CTNND2: variants seen among roughly 807,000 people sequenced by gnomAD.
The protein encoded by CTNND2 is catenin delta 2, also known as catenin delta-2.
In CTNND2, 22 loss-of-function variants were observed where a neutral mutation model predicts 144.4. The ratio of observed to expected loss-of-function variants is 0.15; its 90% confidence interval spans 0.11 to 0.22. CTNND2 has a LOEUF of 0.22. Ranked by LOEUF, CTNND2 falls within the 10% of genes least tolerant of loss-of-function variation. The pLI is 1.00. For synonymous variants in CTNND2, 751 were observed against 695.6 expected (o/e 1.08, Z -1.25); for missense variants, 1,353 against 1,618.8 (o/e 0.84, Z 2.82).
At chr5:11,643,019 T>C (rs1481191341) in intron 2 of CTNND2, among the ~76,000 whole-genome samples, 2 of 152,076 alleles carry the variant, frequency 1.3e-5, no homozygotes, top group Non-Finnish European at 2.9e-5. Flanking sequence ...GTCACTAGAG[T>C]CCTGAATTTA....
chr5:11,049,032 T>C (rs1745568707), intron 16 of CTNND2, among the ~76,000 whole-genome samples: 1 of 152,196 alleles, frequency 6.6e-6, no homozygotes, highest in Admixed American at 6.5e-5. Context: ...CTGATATTGC[T>C]AAATATCTCC....
chr5:11,020,831 C>CCCTAACCCTAACCCTAACCCTAACCCT, intron 17 of CTNND2, among the ~76,000 whole-genome samples: 5 of 152,094 alleles, frequency 3.3e-5, no homozygotes, highest in African/African-American at 9.7e-5. Context: ...TCCAATTTAA[C>CCCTAACCCTAACCCTAACCCTAACCCT]ACTTCTTATT....
At chr5:11,155,241 A>G in intron 12 of CTNND2, among the ~76,000 whole-genome samples, 1 of 152,236 alleles carries the variant, frequency 6.6e-6, no homozygotes, top group East Asian at 1.9e-4. Flanking sequence ...GGATTTGATC[A>G]CACGATGTGC....
At chr5:11,364,382 G>C (rs991765379) in intron 8 of CTNND2, among the ~76,000 whole-genome samples, 3 of 152,136 alleles carry the variant, frequency 2.0e-5, no homozygotes, top group Non-Finnish European at 4.4e-5. Flanking sequence ...ACGTCCTTGG[G>C]GTACTTAGAT....
Position 11,410,929 on chromosome 5 carries a change from T to A in CTNND2, c.439+607A>T, listed in dbSNP as rs61749770. Among the ~76,000 whole-genome samples the A allele has an allele frequency of 3.6e-3, 554 of 151,786 alleles. 3 individuals are homozygous for A. The highest frequency in any genetic ancestry group is 0.012 in the African/African-American group (486 of 41,384). On this transcript the variant is annotated intron_variant, in intron 5 of 21. Transcript: ENST00000304623. ...TTCTGTTGCCCAGGATGGAGTACAG[T>A]GGCGCAATCTCGGCTCACTGCAACC...
chr5:11,228,081 C>T (rs575360496), intron 10 of CTNND2, among the ~76,000 whole-genome samples: 9 of 151,784 alleles, frequency 5.9e-5, no homozygotes, highest in Admixed American at 4.6e-4. Context: ...ATGGTTCATG[C>T]CTGTAATCCC....
intron 3 of CTNND2, among the ~76,000 whole-genome samples, chr5:11,553,139 T>C (rs1775913893): frequency 1.3e-5 from 2 of 152,218 alleles, no homozygotes; most frequent in Non-Finnish European, 2.9e-5. Context: ...CTATTATACA[T>C]ATGTTATTAT....
intron 3 of CTNND2, among the ~76,000 whole-genome samples, chr5:11,468,887 G>C (rs1310504909): frequency 6.6e-6 from 1 of 152,068 alleles, no homozygotes; most frequent in African/African-American, 2.4e-5. Context: ...CTTTGTGGAA[G>C]GGCCTGAAGA....
chr5:11,662,214 T>TAC (rs1261550433), intron 2 of CTNND2, among the ~76,000 whole-genome samples: 7 of 134,166 alleles, frequency 5.2e-5, no homozygotes, highest in East Asian at 2.0e-4. Context: ...TGTATATATA[T>TAC]ACATATATGT....
chr5:11,743,667 G>A (rs1164167941), intron 1 of CTNND2, among the ~76,000 whole-genome samples: 1 of 152,154 alleles, frequency 6.6e-6, no homozygotes, highest in African/African-American at 2.4e-5. Context: ...TTGGGGGTGT[G>A]GCATTAGGTC....
At chr5:11,884,894 T>G (rs1045994444) in intron 1 of CTNND2, among the ~76,000 whole-genome samples, 3 of 151,738 alleles carry the variant, frequency 2.0e-5, no homozygotes, top group Non-Finnish European at 2.9e-5. Context: ...TATCAAAATG[T>G]TTTTCTTCAT....
intron 1 of CTNND2, among the ~76,000 whole-genome samples, chr5:11,748,430 T>C (rs1788432730): frequency 6.6e-6 from 1 of 152,100 alleles, no homozygotes; most frequent in Admixed American, 6.6e-5. Flanking sequence ...CATTCAATAT[T>C]ACACTTCAGG....
In CTNND2 at chr5:11,023,053, G is replaced by T. The variant is rs557121298; in HGVS notation, c.2789-74C>A. 27 of 1,372,708 alleles carry T rather than the reference G, an allele frequency of 2.0e-5. No homozygotes were observed. In the East Asian group the frequency reaches 4.9e-4, roughly 25 times the overall value. 85.0% of individuals were successfully genotyped at this position (1,372,708 alleles called of 1,614,324 possible). A position where few individuals can be genotyped will look rare whatever the true frequency, so the allele number is the denominator to read the frequency against. On this transcript the variant is annotated intron_variant, in intron 16 of 21. Coordinates refer to ENST00000304623, the MANE Select transcript of CTNND2 (RefSeq NM_001332.4). ...CAGAGATAGTGGCAGAGGTGGGTAT[G>T]GGGGAGAAGAGAATACGAGAGGCCA... is the stretch of plus-strand genomic sequence containing the variant.
At chr5:11,863,735 T>G (rs1367555194) in intron 1 of CTNND2, among the ~76,000 whole-genome samples, 2 of 152,100 alleles carry the variant, frequency 1.3e-5, no homozygotes, top group African/African-American at 4.8e-5. Flanking sequence ...CAAACCAAAT[T>G]TGAGAATAAT....
rs1561596539 is a variant in CTNND2 at position 11,589,319 on chromosome 5, A to ACACG, written c.175-24264_175-24263insCGTG. 7.2e-3 allele frequency among the ~76,000 whole-genome samples: 1,082 copies of ACACG among 150,436 alleles called. 15 individuals carry two copies. Among genetic ancestry groups the ACACG allele is most frequent in the African/African-American group, 0.025 (1,031 of 40,442 alleles). On this transcript the variant is annotated intron_variant, in intron 2 of 21. Transcript: ENST00000304623. ...CACACACACACACACACACGACAACAACAACAACAAAAAAACACATCATGA... is the reference window on the plus strand; with the variant it reads ...CACACACACACACACACACGACAACACACGACAACAACAAAAAAACACATCATGA...
intron 2 of CTNND2, among the ~76,000 whole-genome samples, chr5:11,601,346 A>G (rs1451433551): frequency 6.6e-6 from 1 of 152,156 alleles, no homozygotes; most frequent in African/African-American, 2.4e-5. Context: ...TCTTTCTTGC[A>G]ATTCTATGGA....
At chr5:11,688,159 C>A (rs1471002516) in intron 2 of CTNND2, among the ~76,000 whole-genome samples, 2 of 152,132 alleles carry the variant, frequency 1.3e-5, no homozygotes, top group African/African-American at 4.8e-5. Flanking sequence ...CTGGCTATTA[C>A]TACTTATTAA....
At chr5:11,827,416 G>C (rs186593493) in intron 1 of CTNND2, among the ~76,000 whole-genome samples, 1 of 152,014 alleles carries the variant, frequency 6.6e-6, no homozygotes, top group Non-Finnish European at 1.5e-5. Context: ...AATAAGATGC[G>C]AAGTAACAAT....
intron 1 of CTNND2, among the ~76,000 whole-genome samples, chr5:11,882,429 T>C (rs1028315476): frequency 6.6e-6 from 1 of 152,120 alleles, no homozygotes; most frequent in Non-Finnish European, 1.5e-5. Flanking sequence ...TCTAGTTTTA[T>C]TCTTCTGCAG....
Sources: allele counts gnomAD v4.1 joint callset (sites outside exome capture counted in the v4.1 genomes callset), GRCh38; gene constraint gnomAD v4.1.1; transcripts MANE v1.5; gene names NCBI Gene and HGNC (gene_info 2026-07-23, HGNC 2026-07-21).